The following PTCHD4 variants were observed in gnomAD, a reference collection of about 807,000 sequenced individuals.
The protein encoded by PTCHD4 is patched domain-containing protein 4.
PTCHD4 carries 33 observed loss-of-function variants against 58.1 expected under a neutral mutation model. The ratio of observed to expected loss-of-function variants is 0.57; its 90% CI spans 0.43 to 0.76. The LOEUF (loss-of-function observed/expected upper bound fraction) is 0.76, where lower values mean the gene tolerates loss of function less well. Ranked by LOEUF, PTCHD4 falls within the 30% of genes least tolerant of loss-of-function variation. The pLI, the probability that PTCHD4 is intolerant of heterozygous loss-of-function variation, is 0.00. For missense variants in PTCHD4, 1,058 were observed against 1,027.1 expected (o/e 1.03, Z -0.41); for synonymous variants, 478 against 409.6 (o/e 1.17, Z -2.02).
intron 1 of PTCHD4, among the ~76,000 whole-genome samples, chr6:48,110,483 G>C (rs1370056597): frequency 1.3e-5 from 2 of 151,988 alleles, no homozygotes; most frequent in Non-Finnish European, 2.9e-5. Context: ...AGAGGAGGGA[G>C]GGGAAGGAAA....
intron 4 of PTCHD4, among the ~76,000 whole-genome samples, chr6:47,886,405 G>A (rs1189272348): frequency 6.6e-6 from 1 of 151,986 alleles, no homozygotes; most frequent in African/African-American, 2.4e-5. Context: ...ACATACTGGT[G>A]GGTTTTCCTT....
intron 3 of PTCHD4, among the ~76,000 whole-genome samples, chr6:48,010,298 A>G (rs1052171788): frequency 1.5e-4 from 23 of 152,190 alleles, no homozygotes; most frequent in Non-Finnish European, 3.2e-4. Flanking sequence ...TCAGGAGAAG[A>G]AACAGTTCTT....
At chr6:47,990,374 C>A (rs1249147755) in intron 4 of PTCHD4, among the ~76,000 whole-genome samples, 2 of 151,970 alleles carry the variant, frequency 1.3e-5, no homozygotes, top group African/African-American at 4.8e-5. Context: ...GGGGCCGGGG[C>A]AGAATGATAT....
chr6:47,948,919 C>T (rs1471418448), intron 4 of PTCHD4, among the ~76,000 whole-genome samples: 3 of 152,130 alleles, frequency 2.0e-5, no homozygotes, highest in East Asian at 1.9e-4. Context: ...ACTTATTCAA[C>T]AAAACATTAT....
Position 48,102,955 on chromosome 6 carries a change from G to A in PTCHD4, c.-970+8094C>T, listed in dbSNP as rs181768866. 1.7e-3 allele frequency among the ~76,000 whole-genome samples: 263 copies of A among 152,334 alleles called. 1 individual carries two copies. Among genetic ancestry groups the A allele is most frequent in the African/African-American group, 5.9e-3 (247 of 41,590 alleles). ...TCGAGTAGGTAAACAAAGTGGCCAG[G>A]AAGCTCAAACTGGGTGGAGCCCACC... On this transcript the variant is annotated intron_variant, in intron 1 of 4. Coordinates refer to ENST00000339488, the MANE Select transcript of PTCHD4 (RefSeq NM_001384253.1).
rs1464373278 is a variant in PTCHD4, at chr6:47,878,604, C to T, written c.2231G>A (p.Cys744Tyr). The change falls in exon 5 of 5, where the codon TGT becomes TAT. Residue 744 changes from cysteine (C) to tyrosine (Y), a missense_variant. Transcript: ENST00000339488. Reference sequence around the variant, plus strand: ...ATGGTCTTGCAAGGAGCTTTTTATACATTGTGTTCGGGTGTGCTCAGTTGC... The same window carrying T: ...ATGGTCTTGCAAGGAGCTTTTTATATATTGTGTTCGGGTGTGCTCAGTTGC... ...VLATEHTRTQ[C>Y]IKSSLQDHGT... The T allele has an allele frequency of 6.2e-7, 1 of 1,613,478 alleles. No individual in the cohort carries two copies. The highest frequency in any genetic ancestry group is 1.3e-5 in the African/African-American group (1 of 74,888).
chr6:48,062,691 A>T (rs1033153288), intron 3 of PTCHD4, among the ~76,000 whole-genome samples: 1 of 152,184 alleles, frequency 6.6e-6, no homozygotes, highest in Non-Finnish European at 1.5e-5. Flanking sequence ...AAAAATATGT[A>T]CAATAATTCA....
At chr6:47,918,111 T>G (rs763265629) in intron 4 of PTCHD4, among the ~76,000 whole-genome samples, 4 of 152,140 alleles carry the variant, frequency 2.6e-5, no homozygotes, top group Non-Finnish European at 5.9e-5. Context: ...TCCTAGGATT[T>G]TTTTTAACCC....
intron 3 of PTCHD4, among the ~76,000 whole-genome samples, chr6:48,059,204 C>A (rs1764527390): frequency 6.6e-6 from 1 of 152,116 alleles, no homozygotes; most frequent in African/African-American, 2.4e-5. Context: ...GCACTCCAGA[C>A]CTACTGAAGA....
intron 3 of PTCHD4, among the ~76,000 whole-genome samples, chr6:48,031,120 A>G (rs184101755): frequency 3.0e-4 from 45 of 152,180 alleles, no homozygotes; most frequent in Non-Finnish European, 5.0e-4. Context: ...TGTAAAATTC[A>G]ATTTTAGCAA....
chr6:47,914,084 C>A (rs1765154716), intron 4 of PTCHD4, among the ~76,000 whole-genome samples: 1 of 152,038 alleles, frequency 6.6e-6, no homozygotes, highest in Non-Finnish European at 1.5e-5. Flanking sequence ...TGGGAAAATG[C>A]AGTTAATTTA....
At chr6:48,025,738 C>T (rs1171204676) in intron 3 of PTCHD4, among the ~76,000 whole-genome samples, 6 of 152,132 alleles carry the variant, frequency 3.9e-5, no homozygotes, top group Non-Finnish European at 8.8e-5. Flanking sequence ...ATGCATATTG[C>T]TGTGTCAATG....
chr6:48,070,060 G>A (rs1003661885), intron 1 of PTCHD4, among the ~76,000 whole-genome samples, 134 bp from the exon 2 acceptor site: 1 of 152,084 alleles, frequency 6.6e-6, no homozygotes, highest in African/African-American at 2.4e-5. Flanking sequence ...CCAAAAGTGT[G>A]AAGATGAGGA....
intron 4 of PTCHD4, among the ~76,000 whole-genome samples, chr6:47,986,769 A>C (rs1043676716): frequency 2.0e-5 from 3 of 152,154 alleles, no homozygotes; most frequent in Admixed American, 2.0e-4. Context: ...CATGAATATC[A>C]TTTCTTTCTT....
chr6:47,926,406 G>A (rs1249168945), intron 4 of PTCHD4, among the ~76,000 whole-genome samples: 1 of 152,094 alleles, frequency 6.6e-6, no homozygotes, highest in Non-Finnish European at 1.5e-5. Context: ...AAATCCCATA[G>A]GATGAAAAAG....
chr6:47,996,512 G>A (rs1768493700), intron 4 of PTCHD4, among the ~76,000 whole-genome samples: 1 of 152,244 alleles, frequency 6.6e-6, no homozygotes, highest in African/African-American at 2.4e-5. Flanking sequence ...AGTACCCTCT[G>A]CACCCCAGAA....
At chr6:48,089,675 A>G (rs896499431) in intron 1 of PTCHD4, among the ~76,000 whole-genome samples, 1 of 152,212 alleles carries the variant, frequency 6.6e-6, no homozygotes, top group Non-Finnish European at 1.5e-5. Flanking sequence ...AGCTCTTTAA[A>G]TAGTATTTGA....
chr6:48,050,321 G>A (rs1424985312), intron 3 of PTCHD4, among the ~76,000 whole-genome samples: 2 of 151,920 alleles, frequency 1.3e-5, no homozygotes, highest in Non-Finnish European at 2.9e-5. Flanking sequence ...TTCTAAGTGA[G>A]AATGAATTTG....
chr6:47,899,509 GA>G (rs1764631882), intron 4 of PTCHD4: 2 of 809,216 alleles, frequency 2.5e-6, no homozygotes, highest in Non-Finnish European at 1.5e-6. Flanking sequence ...GACAGAAAAT[GA>G]GTCTAGTGAG....
Sources: allele counts gnomAD v4.1 joint callset (sites outside exome capture counted in the v4.1 genomes callset), GRCh38; gene constraint gnomAD v4.1.1; transcripts MANE v1.5; gene names NCBI Gene and HGNC (gene_info 2026-07-23, HGNC 2026-07-21).